Variants in SPRING1 observed in about 807,000 individuals in gnomAD.
SPRING1 encodes the protein SREBP regulating gene protein.
A neutral mutation model predicts 24.7 loss-of-function variants in SPRING1; 14 were observed. That is an observed-to-expected ratio of 0.57 (90% CI 0.37 to 0.88). The LOEUF is 0.88. Ranked by LOEUF, SPRING1 falls within the 40% of genes least tolerant of loss-of-function variation. The pLI is 0.00. For synonymous variants in SPRING1, 93 were observed against 106.1 expected (o/e 0.88, Z 0.76); for missense variants, 255 against 268.4 (o/e 0.95, Z 0.35).
intron 1 of SPRING1, among the ~76,000 whole-genome samples, chr12:116,734,740 G>C (rs1566062541): frequency 6.6e-6 from 1 of 152,168 alleles, no homozygotes; most frequent in African/African-American, 2.4e-5. Flanking sequence ...CTACCACAAA[G>C]AAAATAAAGC....
rs1463089274 is a variant in SPRING1 at position 116,715,850 on chromosome 12, T to C, written c.*1960A>G. On this transcript the variant is annotated 3_prime_UTR_variant, in exon 5 of 5. Transcript: ENST00000261318. ...TTCTCCATCGTAAGGTTGGAGCTCC[T>C]GTCTGTGAAAGGACTGGAAATGTAA... 6.6e-6 allele frequency: 1 copy of C among 152,268 alleles called. No homozygotes were observed. 9.4% of individuals were successfully genotyped at this position (152,268 alleles called of 1,614,324 possible).
chr12:116,721,069 A>C (rs1225298484), intron 2 of SPRING1, among the ~76,000 whole-genome samples: 1 of 152,106 alleles, frequency 6.6e-6, no homozygotes, highest in Non-Finnish European at 1.5e-5. Context: ...AAAGAAAAAA[A>C]CCTCTTAATC....
At chr12:116,733,346 T>C (rs369658042) in intron 1 of SPRING1, among the ~76,000 whole-genome samples, 2 of 146,746 alleles carry the variant, frequency 1.4e-5, no homozygotes, top group African/African-American at 5.3e-5. Context: ...CCAAGCCTGG[T>C]TAATTTTTTG....
In SPRING1 at chr12:116,737,885, C is replaced by T; in HGVS notation, c.16G>A (p.Ala6Thr). The T allele has an allele frequency of 6.4e-7, 1 of 1,564,622 alleles. No homozygotes were observed. Among genetic ancestry groups the T allele is most frequent in the African/African-American group, 1.4e-5 (1 of 70,872 alleles). The change falls in exon 1 of 5, where the codon GCC becomes ACC. Residue 6 changes from alanine to threonine, a missense_variant. Coordinates refer to ENST00000261318, the MANE Select transcript of SPRING1 (RefSeq NM_024738.4). MVNLA[A>T]MVWRRLLRKR... ...CGCAGAAGCCGGCGCCACACCATGG[C>T]CGCCAGGTTCACCATCCCGGCGCGG...
At chr12:116,718,202 C>G (rs1870251366) in intron 4 of SPRING1, among the ~76,000 whole-genome samples, 2 of 152,228 alleles carry the variant, frequency 1.3e-5, no homozygotes. Flanking sequence ...TACTTTTCCT[C>G]AAATTACTTG....
At position 116,712,530 on chromosome 12, in the gene SPRING1, C is replaced by T. The variant is rs1192773244; in HGVS notation, c.*5280G>A. ...CCTTGCCCAACGAACGATAGACTAA[C>T]AGGCCAGAGGCGGGGAAAGCTTCTC... On this transcript the variant is annotated 3_prime_UTR_variant, in exon 5 of 5. Transcript: ENST00000261318. The T allele has an allele frequency of 6.6e-6, 1 of 152,178 alleles. No individual in the cohort carries two copies. Among genetic ancestry groups the T allele is most frequent in the East Asian group, 1.9e-4 (1 of 5,200 alleles). The allele number at this position is 152,178 out of a possible 1,614,324, so 9.4% of individuals were successfully genotyped here.
At chr12:116,727,627 A>G (rs1870768806) in intron 1 of SPRING1, among the ~76,000 whole-genome samples, 1 of 152,228 alleles carries the variant, frequency 6.6e-6, no homozygotes, top group African/African-American at 2.4e-5. Flanking sequence ...TATTTGGGAA[A>G]TGGCTAAATG....
intron 4 of SPRING1, among the ~76,000 whole-genome samples, chr12:116,718,737 C>T (rs1023104067): frequency 6.6e-6 from 1 of 152,214 alleles, no homozygotes; most frequent in Non-Finnish European, 1.5e-5. Context: ...CCTTTTCTAG[C>T]GTTTCTCAGA....
chr12:116,724,643 C>T (rs1385433461), intron 1 of SPRING1, among the ~76,000 whole-genome samples: 1 of 152,168 alleles, frequency 6.6e-6, no homozygotes, highest in Non-Finnish European at 1.5e-5. Flanking sequence ...CACCACTGCA[C>T]TCCAGCCTGG....
rs1870187446 is a variant in SPRING1 at position 116,717,309 on chromosome 12, C to T, written c.*501G>A. ...TGGAAGAATGATTTAACTCCTGAAA[C>T]TCGAGAACACAGAACAACAACAAAA... On this transcript the variant is annotated 3_prime_UTR_variant, in exon 5 of 5. Transcript: ENST00000261318. The surrounding 1 kb of genome is among the most constrained non-coding windows in gnomAD (Gnocchi z 4.2). 6.6e-6 allele frequency: 1 copy of T among 152,310 alleles called. No individual in the cohort carries two copies. Among genetic ancestry groups the T allele is most frequent in the African/African-American group, 2.4e-5 (1 of 41,444 alleles). 9.4% of individuals were successfully genotyped at this position (152,310 alleles called of 1,614,324 possible). A position where few individuals can be genotyped will look rare whatever the true frequency, so the allele number is the denominator to read the frequency against.
At position 116,717,181 on chromosome 12, in the gene SPRING1, C is replaced by T. The variant is rs1288444703; in HGVS notation, c.*629G>A. On this transcript the variant is annotated 3_prime_UTR_variant, in exon 5 of 5. Coordinates refer to ENST00000261318, the MANE Select transcript of SPRING1 (RefSeq NM_024738.4). The surrounding 1 kb of genome is among the most constrained non-coding windows in gnomAD (Gnocchi z 4.2). ...ATTTTACACGTCAGGATATGGCTAA[C>T]AGGTCACGTTCAGGGCCTATGCTTG... The T allele has an allele frequency of 2.6e-5, 4 of 152,116 alleles. No homozygotes were observed. The highest frequency in any genetic ancestry group is 5.9e-5 in the Non-Finnish European group (4 of 68,030). The allele number at this position is 152,116 out of a possible 1,614,324, so 9.4% of individuals were successfully genotyped here.
At position 116,720,565 on chromosome 12, in the gene SPRING1, C is replaced by G; in HGVS notation, c.269-118G>C. On this transcript the variant is annotated intron_variant, in intron 2 of 4. Transcript: ENST00000261318. This position sits in a 1 kb window ranked among gnomAD's most constrained non-coding sequence, Gnocchi z 4.0. The stretch of plus-strand genomic sequence containing the variant: ...CAGAAGCTGGAGTCTGGGGCATCAT[C>G]CTAAGCACCGGAGAGCTGGAAACTG... 1 of 1,345,360 alleles carries G rather than the reference C, an allele frequency of 7.4e-7. No individual in the cohort carries two copies. The highest frequency in any genetic ancestry group is 1.0e-6 in the Non-Finnish European group (1 of 972,434). 83.3% of individuals were successfully genotyped at this position (1,345,360 alleles called of 1,614,324 possible). A position where few individuals can be genotyped will look rare whatever the true frequency, so the allele number is the denominator to read the frequency against.
Position 116,710,752 on chromosome 12 carries a change from T to C in SPRING1, c.*7058A>G, listed in dbSNP as rs530504896. 1 of 152,260 alleles carries C rather than the reference T, an allele frequency of 6.6e-6. No homozygotes were observed. Among genetic ancestry groups the C allele is most frequent in the African/African-American group, 2.4e-5 (1 of 41,546 alleles). 9.4% of individuals were successfully genotyped at this position (152,260 alleles called of 1,614,324 possible). On this transcript the variant is annotated 3_prime_UTR_variant, in exon 5 of 5. Coordinates refer to ENST00000261318, the MANE Select transcript of SPRING1 (RefSeq NM_024738.4). ...ACGGGCTCCAGATGGCTGGGCTACATTTGTCCTGTGAAAATCAAAAGCCTG... is the reference window on the plus strand; with the variant it reads ...ACGGGCTCCAGATGGCTGGGCTACACTTGTCCTGTGAAAATCAAAAGCCTG...
chr12:116,729,012 T>C (rs527303568), intron 1 of SPRING1, among the ~76,000 whole-genome samples: 4 of 152,342 alleles, frequency 2.6e-5, no homozygotes, highest in African/African-American at 9.6e-5. Flanking sequence ...ATCCTTAAAA[T>C]GTTTATTTTA....
intron 1 of SPRING1, among the ~76,000 whole-genome samples, chr12:116,731,896 C>A (rs1366719540): frequency 6.6e-6 from 1 of 152,178 alleles, no homozygotes; most frequent in Non-Finnish European, 1.5e-5. Flanking sequence ...CTGAATGAGG[C>A]CCCCTCTCAG....
Position 116,737,853 on chromosome 12 carries a change from C to A in SPRING1, c.48G>T (p.Arg16Ser), listed in dbSNP as rs760268690. The A allele has an allele frequency of 1.9e-6, 3 of 1,585,672 alleles. No individual in the cohort carries two copies. In the Admixed American group the frequency reaches 5.2e-5, roughly 28 times the overall value. ...AMVWRRLLRK[R>S]WVLALVFGLS... Reference sequence around the variant, plus strand: ...GCCCGAAGACCAGGGCGAGCACCCACCTCTTCCGCAGAAGCCGGCGCCACA... The same window carrying A: ...GCCCGAAGACCAGGGCGAGCACCCAACTCTTCCGCAGAAGCCGGCGCCACA... Residue 16 changes from arginine to serine, a missense_variant, in exon 1 of 5, where the codon AGG becomes AGT. Transcript: ENST00000261318.
rs766360118 is a variant in SPRING1 at position 116,735,805 on chromosome 12, T to A, written c.111+1985A>T. On this transcript the variant is annotated intron_variant, in intron 1 of 4. Coordinates refer to ENST00000261318, the MANE Select transcript of SPRING1 (RefSeq NM_024738.4). The stretch of plus-strand genomic sequence containing the variant: ...CTGTAATCCCAGCACTTTGGGAGGC[T>A]GAGGTGGGTGGATCACCTGAGGTCG... Among the ~76,000 whole-genome samples, 50 of 151,472 alleles carry A rather than the reference T, an allele frequency of 3.3e-4. 2 individuals carry two copies. The highest frequency in any genetic ancestry group is 3.2e-3 in the Middle Eastern group (1 of 314).
chr12:116,715,292 T>C lies in SPRING1; in HGVS notation c.*2518A>G, dbSNP rs185710615. 2.8e-4 allele frequency: 42 copies of C among 152,190 alleles called. No homozygotes were observed. Among genetic ancestry groups the C allele is most frequent in the African/African-American group, 9.6e-4 (40 of 41,514 alleles). 9.4% of individuals were successfully genotyped at this position (152,190 alleles called of 1,614,324 possible). ...TTTGTGATCTCCTAAACTCCCAAGGTGTATCACACACTTCGCTGGGCTCTG... is the reference window on the plus strand; with the variant it reads ...TTTGTGATCTCCTAAACTCCCAAGGCGTATCACACACTTCGCTGGGCTCTG... On this transcript the variant is annotated 3_prime_UTR_variant, in exon 5 of 5. Coordinates refer to ENST00000261318, the MANE Select transcript of SPRING1 (RefSeq NM_024738.4).
chr12:116,728,577 G>C lies in SPRING1; in HGVS notation c.112-5354C>G, dbSNP rs1214103204. Among the ~76,000 whole-genome samples, 7 of 152,212 alleles carry C rather than the reference G, an allele frequency of 4.6e-5. No individual in the cohort carries two copies. The highest frequency in any genetic ancestry group is 4.6e-4 in the Admixed American group (7 of 15,282). On this transcript the variant is annotated intron_variant, in intron 1 of 4. Coordinates refer to ENST00000261318, the MANE Select transcript of SPRING1 (RefSeq NM_024738.4). The surrounding 1 kb of genome is among the most constrained non-coding windows in gnomAD (Gnocchi z 4.2). The stretch of plus-strand genomic sequence containing the variant: ...GAAAAGAGGAATTCAAAGCAGCAGA[G>C]AGGATAATCAACTATTCTCCAGGCA...
Sources: gnomAD v4.1 joint callset for allele counts (sites outside exome capture counted in the v4.1 genomes callset) on GRCh38, gnomAD v4.1.1 for gene constraint, Gnocchi (gnomAD v3.1) non-coding constraint, MANE v1.5 for transcripts, NCBI Gene and HGNC (gene_info 2026-07-23, HGNC 2026-07-21) for gene names.